The following OSBPL1A variants were observed in gnomAD, a reference collection of about 807,000 sequenced individuals.
The protein encoded by OSBPL1A is oxysterol-binding protein-related protein 1.
Under a neutral mutation model 137.1 loss-of-function variants are expected in OSBPL1A, and 80 were observed. The ratio of observed to expected loss-of-function variants is 0.58; its 90% confidence interval spans 0.49 to 0.70. The LOEUF (loss-of-function observed/expected upper bound fraction) is 0.70, where lower values mean the gene tolerates loss of function less well. OSBPL1A is among the 30% of genes least tolerant of loss of function. The pLI is 0.00. For synonymous variants in OSBPL1A, 365 were observed against 389.7 expected (o/e 0.94, Z 0.75); for missense variants, 970 against 1,129.4 (o/e 0.86, Z 2.02).
chr18:24,211,463 G>C (rs898326359), intron 17 of OSBPL1A, among the ~76,000 whole-genome samples: 1 of 152,062 alleles, frequency 6.6e-6, no homozygotes, highest in Non-Finnish European at 1.5e-5. Context: ...AAACATTTAA[G>C]TGAATGATAG....
intron 27 of OSBPL1A, among the ~76,000 whole-genome samples, chr18:24,164,445 T>TG (rs1491063318): frequency 9.8e-5 from 13 of 133,176 alleles, no homozygotes; most frequent in African/African-American, 3.3e-4. Context: ...TTTTTTTTTT[T>TG]TGAGACGGAG....
In OSBPL1A at chr18:24,314,267, G is replaced by T. The variant is rs1280656291; in HGVS notation, c.951C>A (p.Ser317Arg). 2.5e-6 allele frequency: 4 copies of T among 1,606,886 alleles called. No individual in the cohort carries two copies. The African/African-American group carries it at 4.0e-5, about 16-fold the overall frequency. Residue 317 changes from serine to arginine, a missense_variant, in exon 12 of 28, where the codon AGC becomes AGA. This residue lies in a region of OSBPL1A where 647 missense variants were observed against 672.6 expected (regional missense o/e 0.96). Coordinates refer to ENST00000319481, the MANE Select transcript of OSBPL1A (RefSeq NM_080597.4). ...AGATTACCTCTCTTGACTGCTGAAG[G>T]CTATTCTTAGGAACCCGGAAGCCAT... ...TIHGFRVPKN[S>R]LQQSREDWLE... is the part of the protein sequence containing the mutation.
intron 17 of OSBPL1A, among the ~76,000 whole-genome samples, chr18:24,222,644 C>T (rs913443581): frequency 6.6e-6 from 1 of 152,096 alleles, no homozygotes; most frequent in African/African-American, 2.4e-5. Context: ...ATTTTAACAG[C>T]TTCCACATTA....
chr18:24,230,314 A>G (rs2088230968), intron 16 of OSBPL1A, among the ~76,000 whole-genome samples: 1 of 152,154 alleles, frequency 6.6e-6, no homozygotes, highest in Admixed American at 6.5e-5. Context: ...ATGACAAAAA[A>G]GTTCTGGAGA....
At chr18:24,371,871 C>T (rs1313790146) in intron 2 of OSBPL1A, among the ~76,000 whole-genome samples, 1 of 152,198 alleles carries the variant, frequency 6.6e-6, no homozygotes, top group Non-Finnish European at 1.5e-5. Context: ...ACATTCTTCC[C>T]TAGCTGCCAC....
chr18:24,285,598 G>A (rs2090054464), intron 14 of OSBPL1A, among the ~76,000 whole-genome samples: 1 of 151,988 alleles, frequency 6.6e-6, no homozygotes, highest in African/African-American at 2.4e-5. Context: ...CTGGATGAAG[G>A]CATTTTATTT....
chr18:24,171,978 T>C (rs1304251208), intron 22 of OSBPL1A, among the ~76,000 whole-genome samples: 1 of 151,486 alleles, frequency 6.6e-6, no homozygotes, highest in Non-Finnish European at 1.5e-5. Flanking sequence ...TCTTGCTCTG[T>C]CATCCAGGCT....
At chr18:24,262,136 A>AT (rs1022300918) in intron 15 of OSBPL1A, among the ~76,000 whole-genome samples, 7 of 152,220 alleles carry the variant, frequency 4.6e-5, no homozygotes, top group African/African-American at 1.7e-4. Flanking sequence ...AAATACGCCT[A>AT]CTTAGGAACT....
intron 27 of OSBPL1A, among the ~76,000 whole-genome samples, chr18:24,164,591 G>A (rs1035637265): frequency 1.3e-4 from 20 of 152,092 alleles, no homozygotes; most frequent in African/African-American, 4.6e-4. Context: ...ACCACGCCCA[G>A]CTAATTTTTT....
At chr18:24,360,238 T>G (rs1213094641) in intron 4 of OSBPL1A, among the ~76,000 whole-genome samples, 1 of 152,252 alleles carries the variant, frequency 6.6e-6, no homozygotes, top group East Asian at 1.9e-4. Context: ...CCCATAGTGC[T>G]GGGATTACAG....
intron 14 of OSBPL1A, among the ~76,000 whole-genome samples, chr18:24,297,537 G>A (rs1046285842): frequency 2.0e-5 from 3 of 152,074 alleles, no homozygotes; most frequent in African/African-American, 7.2e-5. Context: ...TAAACGCTAC[G>A]AACTTTCCTC....
chr18:24,366,432 TA>T (rs2091701938), intron 4 of OSBPL1A: 1 of 152,428 alleles, frequency 6.6e-6, no homozygotes, highest in African/African-American at 2.4e-5. Context: ...CCCAACCCCC[TA>T]GTCCTGCCTT....
chr18:24,340,415 G>A (rs557186127), intron 5 of OSBPL1A, among the ~76,000 whole-genome samples: 43 of 152,264 alleles, frequency 2.8e-4, no homozygotes, highest in African/African-American at 9.4e-4. Flanking sequence ...GCTCACACCT[G>A]TAATCCTAGT....
chr18:24,233,515 A>C (rs910638204), intron 16 of OSBPL1A, among the ~76,000 whole-genome samples: 2 of 152,234 alleles, frequency 1.3e-5, no homozygotes, highest in African/African-American at 4.8e-5. Context: ...GGACAGAAAC[A>C]TCAATGACAT....
chr18:24,224,615 T>C (rs1483294026), intron 17 of OSBPL1A, among the ~76,000 whole-genome samples: 2 of 152,242 alleles, frequency 1.3e-5, no homozygotes, highest in Non-Finnish European at 1.5e-5. Context: ...TAAATTTAAC[T>C]AAATTGCATC....
At chr18:24,275,828 A>C (rs1399112522) in intron 15 of OSBPL1A, among the ~76,000 whole-genome samples, 1 of 151,940 alleles carries the variant, frequency 6.6e-6, no homozygotes, top group Non-Finnish European at 1.5e-5. Flanking sequence ...CCTGGGTTCA[A>C]GCGATTCTCC....
chr18:24,321,923 A>G (rs1451754712), intron 7 of OSBPL1A, among the ~76,000 whole-genome samples: 1 of 151,792 alleles, frequency 6.6e-6, no homozygotes, highest in Admixed American at 6.6e-5. Flanking sequence ...AATTTCCATG[A>G]TTTTTTTTAA....
intron 15 of OSBPL1A, among the ~76,000 whole-genome samples, chr18:24,255,987 G>T (rs1452032367): frequency 6.6e-6 from 1 of 152,058 alleles, no homozygotes; most frequent in Non-Finnish European, 1.5e-5. Context: ...TAGAGACGGG[G>T]TTTTGCCATG....
intron 17 of OSBPL1A, among the ~76,000 whole-genome samples, chr18:24,215,454 A>AAACC (rs750657462): frequency 5.9e-5 from 9 of 152,350 alleles, no homozygotes; most frequent in Admixed American, 6.5e-5. Context: ...AACACAAGGC[A>AAACC]AACCAACCAA....
Sources: allele counts gnomAD v4.1 joint callset (sites outside exome capture counted in the v4.1 genomes callset), GRCh38; gene constraint gnomAD v4.1.1; regional missense constraint gnomAD v4.1.1; transcripts MANE v1.5; gene names NCBI Gene and HGNC (gene_info 2026-07-23, HGNC 2026-07-21).